ATP2A2: variants seen among roughly 807,000 people sequenced by gnomAD.
The protein encoded by ATP2A2 is sarcoplasmic/endoplasmic reticulum calcium ATPase 2.
Under a neutral mutation model 109.3 loss-of-function variants are expected in ATP2A2, and 14 were observed. The observed-to-expected ratio is 0.13, with a 90% CI of 0.08 to 0.20. The LOEUF (loss-of-function observed/expected upper bound fraction) is 0.20. Ranked by LOEUF, ATP2A2 falls within the 10% of genes least tolerant of loss-of-function variation. The pLI, the probability that ATP2A2 is intolerant of heterozygous loss-of-function variation, is 1.00. For synonymous variants in ATP2A2, 506 were observed against 490.9 expected, an observed-to-expected ratio of 1.03 and a Z score of -0.41; for missense variants, 657 against 1,321.6, an observed-to-expected ratio of 0.50 and a Z score of 7.80.
At chr12:110,322,683 A>C (rs1877368114) in intron 5 of ATP2A2, among the ~76,000 whole-genome samples, 1 of 152,182 alleles carries the variant, frequency 6.6e-6, no homozygotes, top group South Asian at 2.1e-4. Flanking sequence ...GCTAAGTAGG[A>C]AAGTATTCTT....
At chr12:110,331,598 A>G (rs1878346174) in intron 8 of ATP2A2, 1 of 149,726 alleles carries the variant, frequency 6.7e-6, no homozygotes, top group Non-Finnish European at 1.5e-5. Context: ...TTGGCCTCTC[A>G]GTGCTGGGAT....
chr12:110,330,506 C>G (rs1040041593), intron 8 of ATP2A2: 1 of 152,296 alleles, frequency 6.6e-6, no homozygotes, highest in African/African-American at 2.4e-5. Context: ...TTCTTATTTA[C>G]GATTTTGTGT....
chr12:110,345,494 A>G, intron 18 of ATP2A2, 112 bp downstream of exon 18: 3 of 1,505,932 alleles, frequency 2.0e-6, no homozygotes, highest in Non-Finnish European at 2.8e-6. Flanking sequence ...TCCCTTCCCA[A>G]AAGAAAGGAG....
chr12:110,287,853 T>A (rs1413548537), intron 3 of ATP2A2, among the ~76,000 whole-genome samples: 1 of 152,108 alleles, frequency 6.6e-6, no homozygotes, highest in African/African-American at 2.4e-5. Flanking sequence ...TGGCCTTAGG[T>A]GATCCGCCTG....
intron 5 of ATP2A2, among the ~76,000 whole-genome samples, chr12:110,311,622 A>AAAAG (rs1876073126): frequency 5.7e-5 from 8 of 141,018 alleles, no homozygotes; most frequent in African/African-American, 1.3e-4. Context: ...AAAAAAAAAA[A>AAAAG]CGCTGGGATT....
At chr12:110,308,733 C>A (rs1252209713) in intron 5 of ATP2A2, among the ~76,000 whole-genome samples, 1 of 152,116 alleles carries the variant, frequency 6.6e-6, no homozygotes, top group Non-Finnish European at 1.5e-5. Context: ...ATAGAGTGAA[C>A]TTTAATTCTG....
At position 110,348,441 on chromosome 12, in the gene ATP2A2, TG is replaced by T. The variant is rs1368824817; in HGVS notation, c.*1973del. 1 of 985,410 alleles carries T rather than the reference TG, an allele frequency of 1.0e-6. No individual in the cohort carries two copies. Among genetic ancestry groups the T allele is most frequent in the African/African-American group, 1.7e-5 (1 of 57,200 alleles). The allele number at this position is 985,410 out of a possible 1,614,324, so 61.0% of individuals were successfully genotyped here. ...TGTACTTAGGCTCTGGTTACTGGGATGGCCAGTAGATGTAATGCAGATGGTT... is the reference window on the plus strand; with the variant it reads ...TGTACTTAGGCTCTGGTTACTGGGATGCCAGTAGATGTAATGCAGATGGTT... On this transcript the variant is annotated 3_prime_UTR_variant, in exon 20 of 20. Transcript: ENST00000539276.
Position 110,339,454 on chromosome 12 carries a change from G to C in ATP2A2, c.1543-49G>C, listed in dbSNP as rs368526701. 1 of 1,614,032 alleles carries C rather than the reference G, an allele frequency of 6.2e-7. No individual in the cohort carries two copies. The highest frequency in any genetic ancestry group is 8.5e-7 in the Non-Finnish European group (1 of 1,180,016). ...ATGTTCTTGCCAGGGTTAAGATCCC[G>C]GTGAACCAATAAAACAAAATTGTTT... On this transcript the variant is annotated intron_variant, in intron 12 of 19. Coordinates refer to ENST00000539276, the MANE Select transcript of ATP2A2 (RefSeq NM_170665.4). This position sits in a 1 kb window ranked among gnomAD's most constrained non-coding sequence, Gnocchi z 4.4.
chr12:110,332,440 C>T, intron 8 of ATP2A2, 157 bp from the exon 9 acceptor site: 2 of 709,342 alleles, frequency 2.8e-6, no homozygotes, highest in Non-Finnish European at 5.1e-6. Flanking sequence ...AGGGACAGTA[C>T]TGCTGATGCT....
intron 6 of ATP2A2, among the ~76,000 whole-genome samples, chr12:110,324,229 C>T (rs1877532973): frequency 2.0e-5 from 3 of 152,110 alleles, no homozygotes; most frequent in Admixed American, 2.0e-4. Flanking sequence ...CAGCTAATGT[C>T]ATGGAGACAG....
At chr12:110,289,583 C>G (rs1431797182) in intron 3 of ATP2A2, among the ~76,000 whole-genome samples, 3 of 152,084 alleles carry the variant, frequency 2.0e-5, no homozygotes, top group Non-Finnish European at 4.4e-5. Flanking sequence ...TTGTCCTGCT[C>G]AAACAGATAT....
At chr12:110,319,520 A>G (rs1410896346) in intron 5 of ATP2A2, among the ~76,000 whole-genome samples, 1 of 150,930 alleles carries the variant, frequency 6.6e-6, no homozygotes, top group Non-Finnish European at 1.5e-5. Flanking sequence ...TGCACAGCAA[A>G]GAAACACCTT....
At chr12:110,290,393 C>T (rs1375558178) in intron 3 of ATP2A2, among the ~76,000 whole-genome samples, 3 of 152,182 alleles carry the variant, frequency 2.0e-5, no homozygotes, top group African/African-American at 7.2e-5. Context: ...GTTGTTTATA[C>T]TGTGGATTTA....
At chr12:110,320,997 G>A (rs1267746066) in intron 5 of ATP2A2, among the ~76,000 whole-genome samples, 2 of 152,222 alleles carry the variant, frequency 1.3e-5, no homozygotes, top group Admixed American at 6.5e-5. Flanking sequence ...GGGAGGCAAG[G>A]CAGGTGGATG....
At chr12:110,293,862 G>GTGTATA (rs1458559600) in intron 4 of ATP2A2, among the ~76,000 whole-genome samples, 2 of 123,236 alleles carry the variant, frequency 1.6e-5, no homozygotes, top group Non-Finnish European at 3.3e-5. Context: ...GTGTGTGTGT[G>GTGTATA]TGTATATATT....
intron 5 of ATP2A2, among the ~76,000 whole-genome samples, chr12:110,301,589 C>T (rs574738638): frequency 6.6e-6 from 1 of 152,326 alleles, no homozygotes; most frequent in East Asian, 1.9e-4. Flanking sequence ...CACACCGCAG[C>T]TGTCATCATC....
At chr12:110,313,651 AC>A (rs1326910022) in intron 5 of ATP2A2, among the ~76,000 whole-genome samples, 1 of 146,194 alleles carries the variant, frequency 6.8e-6, no homozygotes, top group African/African-American at 2.5e-5. Context: ...ACACCAAACC[AC>A]CTAGATGGGC....
intron 11 of ATP2A2, among the ~76,000 whole-genome samples, chr12:110,336,715 T>TG (rs1419766896): frequency 4.6e-5 from 7 of 152,324 alleles, no homozygotes; most frequent in Admixed American, 3.9e-4. Flanking sequence ...CTGTCTCAGC[T>TG]GAAATATAGA....
intron 5 of ATP2A2, among the ~76,000 whole-genome samples, chr12:110,304,356 G>C (rs1406711877): frequency 1.3e-5 from 2 of 152,138 alleles, no homozygotes; most frequent in Non-Finnish European, 2.9e-5. Flanking sequence ...ATTTTGAGCA[G>C]CTACCAAACT....
Sources: gnomAD v4.1 joint callset for allele counts (sites outside exome capture counted in the v4.1 genomes callset) on GRCh38, gnomAD v4.1.1 for gene constraint, Gnocchi (gnomAD v3.1) non-coding constraint, MANE v1.5 for transcripts, NCBI Gene and HGNC (gene_info 2026-07-23, HGNC 2026-07-21) for gene names.